The following ABCC6 variants were observed in gnomAD, a reference collection of about 807,000 sequenced individuals.
ABCC6 encodes ATP-binding cassette sub-family C member 6.
Under a neutral mutation model 169.5 loss-of-function variants are expected in ABCC6, and 126 were observed. That is an observed-to-expected ratio of 0.74 (90% CI 0.64 to 0.86). The LOEUF (loss-of-function observed/expected upper bound fraction) is 0.86, where lower values mean the gene tolerates loss of function less well. Among genes scored for constraint, ABCC6 ranks in the 40% least tolerant of loss-of-function variants. The pLI, the probability that ABCC6 is intolerant of heterozygous loss-of-function variation, is 0.00. For synonymous variants in ABCC6, 752 were observed against 814.7 expected (o/e 0.92, Z 1.31); for missense variants, 1,733 against 1,927.2 (o/e 0.90, Z 1.89).
intron 18 of ABCC6, among the ~76,000 whole-genome samples, chr16:16,178,334 AAAG>A: frequency 6.6e-6 from 1 of 152,076 alleles, no homozygotes; most frequent in South Asian, 2.1e-4. Flanking sequence ...CTCAAAAAAA[AAAG>A]AAAAAGAAAA....
At chr16:16,187,085 CA>C (rs755042216) in intron 14 of ABCC6, 38 bp downstream of exon 14, 166 of 1,567,904 alleles carry the variant, frequency 1.1e-4, no homozygotes, top group Middle Eastern at 3.7e-4. Context: ...CCACATCCCC[CA>C]TCCCTCCCAC....
At chr16:16,200,005 T>A (rs1225770704) in intron 9 of ABCC6, among the ~76,000 whole-genome samples, 1 of 151,360 alleles carries the variant, frequency 6.6e-6, no homozygotes, top group Non-Finnish European at 1.5e-5. Flanking sequence ...GAGGCAGAGG[T>A]TGCAGTGAGC....
chr16:16,199,281 GA>G (rs200997283), intron 9 of ABCC6, among the ~76,000 whole-genome samples: 2 of 145,608 alleles, frequency 1.4e-5, no homozygotes, highest in African/African-American at 2.5e-5. Context: ...GTATTAGAGT[GA>G]AAAAAAAATG....
At chr16:16,199,512 C>A (rs1262258614) in intron 9 of ABCC6, among the ~76,000 whole-genome samples, 1 of 127,124 alleles carries the variant, frequency 7.9e-6, no homozygotes, top group African/African-American at 2.6e-5. Context: ...CTGCCTTAAC[C>A]CTGGGGTCAC....
rs1021624228 is a variant in ABCC6 at position 16,208,712 on chromosome 16, A to G, written c.794+16T>C. Reference sequence around the variant, plus strand: ...TGAAGTAGCATCAGGTGAGTTCTTGACCTCCACCCACTTACCTCCGGGCTG... The same window carrying G: ...TGAAGTAGCATCAGGTGAGTTCTTGGCCTCCACCCACTTACCTCCGGGCTG... On this transcript the variant is annotated intron_variant, in intron 7 of 30. Transcript: ENST00000205557. 7 of 1,612,452 alleles carry G rather than the reference A, an allele frequency of 4.3e-6. No individual in the cohort carries two copies. The African/African-American group carries it at 8.1e-5, about 19-fold the overall frequency.
intron 23 of ABCC6, 75 bp from the exon 24 acceptor site, chr16:16,163,267 C>G: frequency 6.4e-6 from 9 of 1,414,376 alleles, no homozygotes; most frequent in Non-Finnish European, 8.8e-6. Context: ...GCACAGAGAG[C>G]CCCAAGTACA....
At chr16:16,158,750 C>T (rs1447746637) in intron 26 of ABCC6, among the ~76,000 whole-genome samples, 4 of 151,232 alleles carry the variant, frequency 2.6e-5, no homozygotes, top group African/African-American at 9.7e-5. Flanking sequence ...GTTGCTATTC[C>T]GTTACTATAA....
intron 4 of ABCC6, among the ~76,000 whole-genome samples, chr16:16,218,044 G>A (rs2048945300): frequency 1.3e-5 from 2 of 152,190 alleles, no homozygotes; most frequent in South Asian, 2.1e-4. Context: ...AGCCAAGATC[G>A]TGCCACTGCA....
intron 1 of ABCC6, among the ~76,000 whole-genome samples, chr16:16,222,246 C>T (rs1275403328): frequency 6.6e-6 from 1 of 152,198 alleles, no homozygotes; most frequent in Non-Finnish European, 1.5e-5. Context: ...CAGACTGAGG[C>T]ACCAGTCGGG....
Position 16,158,630 on chromosome 16 carries a change from C to T in ABCC6, c.3736-821G>A, listed in dbSNP as rs149707435. On this transcript the variant is annotated intron_variant, in intron 26 of 30. Transcript: ENST00000205557. ...TTATATCATGTTGCTGTTTTGTTAC[C>T]GTTGCGTTGCTATGTTGCTGTTCTG... 1.6e-3 allele frequency among the ~76,000 whole-genome samples: 245 copies of T among 152,156 alleles called. 1 individual carries two copies. The highest frequency in any genetic ancestry group is 5.6e-3 in the African/African-American group (231 of 41,514).
chr16:16,187,604 T>C (rs2047690669), intron 13 of ABCC6, among the ~76,000 whole-genome samples: 1 of 152,164 alleles, frequency 6.6e-6, no homozygotes, highest in Admixed American at 6.5e-5. Context: ...GTCGTTAAAA[T>C]AGAGATTAGG....
intron 11 of ABCC6, among the ~76,000 whole-genome samples, chr16:16,191,346 C>T (rs1311411976): frequency 6.6e-6 from 1 of 152,004 alleles, no homozygotes; most frequent in Non-Finnish European, 1.5e-5. Flanking sequence ...GAACTCCTGA[C>T]CTCAGGTGAT....
chr16:16,216,292 G>T (rs2048872033), intron 4 of ABCC6, among the ~76,000 whole-genome samples: 1 of 151,728 alleles, frequency 6.6e-6, no homozygotes, highest in South Asian at 2.1e-4. Flanking sequence ...CTATCAAATA[G>T]ATATTATTCT....
chr16:16,173,282 A>T lies in ABCC6; in HGVS notation c.2787+2T>A, dbSNP rs769762685. On this transcript the variant is annotated splice_donor_variant, in intron 21 of 30. Coordinates refer to ENST00000205557, the MANE Select transcript of ABCC6 (RefSeq NM_001171.6). LOFTEE classifies it high-confidence loss of function. ...GGAGGGGTGGGTGAAGCTGGTGGTT[A>T]CCCTGCCGTATTGGATGCTGTCCTT... 2 of 1,610,672 alleles carry T rather than the reference A, an allele frequency of 1.2e-6. No individual in the cohort carries two copies. Among genetic ancestry groups the T allele is most frequent in the South Asian group, 2.2e-5 (2 of 90,976 alleles).
intron 22 of ABCC6, among the ~76,000 whole-genome samples, chr16:16,166,268 C>T (rs556048799): frequency 1.6e-4 from 25 of 152,048 alleles, no homozygotes; most frequent in African/African-American, 5.5e-4. Flanking sequence ...AGGCTGGTCT[C>T]GAACTCCTGG....
At chr16:16,169,586 T>G (rs2046991723) in intron 22 of ABCC6, 60 bp downstream of exon 22, 2 of 1,586,166 alleles carry the variant, frequency 1.3e-6, no homozygotes, top group Non-Finnish European at 1.7e-6. Context: ...GGTAAAGGAG[T>G]CCTGAGCACC....
intron 15 of ABCC6, among the ~76,000 whole-genome samples, chr16:16,184,386 C>T (rs1428425296): frequency 6.6e-6 from 1 of 152,054 alleles, no homozygotes; most frequent in Non-Finnish European, 1.5e-5. Flanking sequence ...GGGCCCTTGT[C>T]TGTTTCCTTC....
chr16:16,180,128 C>G (rs376722685), intron 17 of ABCC6, among the ~76,000 whole-genome samples: 1 of 152,102 alleles, frequency 6.6e-6, no homozygotes, highest in Non-Finnish European at 1.5e-5. Flanking sequence ...GGAGCTCAGG[C>G]GGTGATGGGA....
intron 7 of ABCC6, among the ~76,000 whole-genome samples, chr16:16,205,943 G>A (rs1297942683): frequency 6.6e-6 from 1 of 152,158 alleles, no homozygotes; most frequent in Non-Finnish European, 1.5e-5. Flanking sequence ...AAGGAGCTTG[G>A]CTGGGTGGAC....
Sources: allele counts gnomAD v4.1 joint callset (sites outside exome capture counted in the v4.1 genomes callset), GRCh38; gene constraint gnomAD v4.1.1; transcripts MANE v1.5; gene names NCBI Gene and HGNC (gene_info 2026-07-23, HGNC 2026-07-21).